Variants in ITGB6 observed in about 807,000 individuals in gnomAD.
ITGB6 encodes integrin subunit beta 6, also known as integrin beta-6.
ITGB6 carries 80 observed loss-of-function variants against 84.5 expected under a neutral mutation model. That is an observed-to-expected ratio of 0.95 (90% CI 0.79 to 1.14). ITGB6 has a LOEUF of 1.14. Among genes scored for constraint, ITGB6 ranks in the 50% most tolerant of loss-of-function variants. The probability of loss-of-function intolerance (pLI) is 0.00; values close to 1 mark genes in which losing one functional copy is unlikely to be tolerated. For missense variants in ITGB6, 1,006 were observed against 968.0 expected (o/e 1.04, Z -0.52); for synonymous variants, 383 against 354.9 (o/e 1.08, Z -0.89).
At position 160,137,375 on chromosome 2, in the gene ITGB6, C is replaced by T. The variant is rs1683781686; in HGVS notation, c.1660+59G>A. ...GGAAACTGGAAGGTGCAGAGGATGC[C>T]AAGCCCCTTGCTGATACTTGAGCAG... On this transcript the variant is annotated intron_variant, in intron 10 of 14. Transcript: ENST00000283249. 2.6e-6 allele frequency: 4 copies of T among 1,516,684 alleles called. No individual in the cohort carries two copies. In the Admixed American group the frequency reaches 5.4e-5, roughly 20 times the overall value. The allele number at this position is 1,516,684 out of a possible 1,614,324, so 94.0% of individuals were successfully genotyped here. A position where few individuals can be genotyped will look rare whatever the true frequency, so the allele number is the denominator to read the frequency against.
chr2:160,156,250 C>A (rs530608291), intron 7 of ITGB6, among the ~76,000 whole-genome samples: 1 of 152,124 alleles, frequency 6.6e-6, no homozygotes, highest in Non-Finnish European at 1.5e-5. Context: ...TTCCTCTACC[C>A]GAGGACAAAG....
chr2:160,138,211 A>T lies in ITGB6; in HGVS notation c.1108-12T>A. 1 of 1,590,368 alleles carries T rather than the reference A, an allele frequency of 6.3e-7. No homozygotes were observed. Among genetic ancestry groups the T allele is most frequent in the Non-Finnish European group, 8.5e-7 (1 of 1,172,006 alleles). ...TCAGACCGCAGTTCCTTTAGTTACA[A>T]CATAAAGAGTTCAGTGAAGTCACAA... On this transcript the variant is annotated splice_polypyrimidine_tract_variant and intron_variant, in intron 8 of 14. Coordinates refer to ENST00000283249, the MANE Select transcript of ITGB6 (RefSeq NM_000888.5).
chr2:160,188,770 A>G (rs555098086), intron 4 of ITGB6, among the ~76,000 whole-genome samples: 58 of 151,702 alleles, frequency 3.8e-4, no homozygotes, highest in Non-Finnish European at 6.9e-4. Context: ...TGCCTGGCTA[A>G]TTTTTTTGTA....
At chr2:160,162,980 A>G (rs1684875424) in intron 7 of ITGB6, among the ~76,000 whole-genome samples, 1 of 152,100 alleles carries the variant, frequency 6.6e-6, no homozygotes, top group Non-Finnish European at 1.5e-5. Context: ...TCATAAACCT[A>G]TAGTCTTGGT....
At chr2:160,103,243 T>C (rs1696789604) in intron 14 of ITGB6, among the ~76,000 whole-genome samples, 1 of 152,164 alleles carries the variant, frequency 6.6e-6, no homozygotes, top group Non-Finnish European at 1.5e-5. Context: ...TTAAAAGAAT[T>C]GAATAAAATC....
intron 12 of ITGB6, 41 bp downstream of exon 12, chr2:160,123,750 A>G: frequency 6.7e-7 from 1 of 1,492,202 alleles, no homozygotes; most frequent in Non-Finnish European, 9.3e-7. Flanking sequence ...CCTCTCAAGA[A>G]CTACATAAGG....
chr2:160,134,757 A>G (rs953962926), intron 10 of ITGB6, among the ~76,000 whole-genome samples: 2 of 152,248 alleles, frequency 1.3e-5, no homozygotes, highest in Non-Finnish European at 2.9e-5. Context: ...CAACATACAC[A>G]AATCAATAAA....
At chr2:160,133,068 C>T (rs931747155) in intron 10 of ITGB6, among the ~76,000 whole-genome samples, 1 of 151,924 alleles carries the variant, frequency 6.6e-6, no homozygotes, top group African/African-American at 2.4e-5. Context: ...AGCAGTCTAC[C>T]TAGTTTTTAC....
At chr2:160,112,232 C>T (rs770635566) in intron 12 of ITGB6, 33 bp from the exon 13 acceptor site, 7 of 1,582,490 alleles carry the variant, frequency 4.4e-6, no homozygotes, top group Non-Finnish European at 6.0e-6. Context: ...TTAGGTTAAA[C>T]AAGATTCCAA....
chr2:160,177,550 G>A (rs1685478219), intron 4 of ITGB6, among the ~76,000 whole-genome samples: 2 of 150,428 alleles, frequency 1.3e-5, no homozygotes, highest in Admixed American at 6.6e-5. Context: ...CAGCCTGGGC[G>A]ATAGAGCAAG....
chr2:160,153,878 A>G (rs988552214), intron 7 of ITGB6, among the ~76,000 whole-genome samples: 5 of 152,212 alleles, frequency 3.3e-5, no homozygotes, highest in Non-Finnish European at 5.9e-5. Context: ...CAAAACCACA[A>G]TGAGATACCA....
At chr2:160,144,749 A>C (rs1228367148) in intron 7 of ITGB6, among the ~76,000 whole-genome samples, 1 of 152,212 alleles carries the variant, frequency 6.6e-6, no homozygotes, top group East Asian at 1.9e-4. Context: ...AGCCAAACCC[A>C]TCCACTTCCT....
At chr2:160,104,096 A>G (rs1696817197) in intron 14 of ITGB6, among the ~76,000 whole-genome samples, 1 of 152,190 alleles carries the variant, frequency 6.6e-6, no homozygotes. Flanking sequence ...CAGGTTTGCA[A>G]TATTTTGGGA....
At chr2:160,136,543 A>C (rs1230816551) in intron 10 of ITGB6, among the ~76,000 whole-genome samples, 2 of 152,226 alleles carry the variant, frequency 1.3e-5, no homozygotes, top group Non-Finnish European at 2.9e-5. Context: ...CAGCCATCCC[A>C]TTACTGGGTA....
intron 2 of ITGB6, among the ~76,000 whole-genome samples, chr2:160,198,259 G>A (rs796630801): frequency 5.8e-4 from 89 of 152,264 alleles, no homozygotes; most frequent in African/African-American, 2.0e-3. Flanking sequence ...CGTAGTAAGG[G>A]ACTGAGCTGT....
intron 7 of ITGB6, among the ~76,000 whole-genome samples, chr2:160,165,935 C>T (rs1277936810): frequency 2.6e-5 from 4 of 152,200 alleles, no homozygotes; most frequent in Non-Finnish European, 4.4e-5. Context: ...GTGCTTGTCA[C>T]GCAAAACTCC....
intron 12 of ITGB6, among the ~76,000 whole-genome samples, chr2:160,118,483 C>T (rs1682881735): frequency 6.6e-6 from 1 of 152,106 alleles, no homozygotes; most frequent in African/African-American, 2.4e-5. Flanking sequence ...GCTAAAAACT[C>T]TCAATAAATT....
At chr2:160,110,832 A>T (rs1216136879) in intron 13 of ITGB6, among the ~76,000 whole-genome samples, 2 of 152,198 alleles carry the variant, frequency 1.3e-5, no homozygotes, top group African/African-American at 4.8e-5. Context: ...CTCTGGGGAC[A>T]GGTTCTGCTC....
At chr2:160,171,847 G>C (rs775966355) in intron 6 of ITGB6, among the ~76,000 whole-genome samples, 19 of 152,204 alleles carry the variant, frequency 1.2e-4, no homozygotes, top group South Asian at 6.2e-4. Context: ...GTCAAAGAAG[G>C]CTCTCTGGGG....
Sources: allele counts gnomAD v4.1 joint callset (sites outside exome capture counted in the v4.1 genomes callset), GRCh38; gene constraint gnomAD v4.1.1; transcripts MANE v1.5; gene names NCBI Gene and HGNC (gene_info 2026-07-23, HGNC 2026-07-21).